Variants in ADCY9 observed in about 807,000 individuals in gnomAD.
ADCY9 encodes the protein adenylate cyclase type 9.
Under a neutral mutation model 101.5 loss-of-function variants are expected in ADCY9, and 50 were observed. The observed-to-expected ratio is 0.49, with a 90% confidence interval of 0.39 to 0.62. The LOEUF (loss-of-function observed/expected upper bound fraction) is 0.62. Ranked by LOEUF, ADCY9 falls within the 20% of genes least tolerant of loss-of-function variation. The pLI, the probability that ADCY9 is intolerant of heterozygous loss-of-function variation, is 0.00. For synonymous variants in ADCY9, 905 were observed against 769.3 expected (o/e 1.18, Z -2.92); for missense variants, 1,662 against 1,800.4 (o/e 0.92, Z 1.39).
At chr16:3,985,000 T>C (rs1403958501) in intron 6 of ADCY9, among the ~76,000 whole-genome samples, 2 of 152,172 alleles carry the variant, frequency 1.3e-5, no homozygotes, top group Admixed American at 6.5e-5. Flanking sequence ...CAGGGCAACC[T>C]GGGGGTTAGG....
At position 3,991,080 on chromosome 16, in the gene ADCY9, G is replaced by A. The variant is rs563396823; in HGVS notation, c.2207+1066C>T. Among the ~76,000 whole-genome samples, 5 of 152,312 alleles carry A rather than the reference G, an allele frequency of 3.3e-5. No individual in the cohort carries two copies. In the East Asian group the frequency reaches 7.7e-4, roughly 24 times the overall value. On this transcript the variant is annotated intron_variant, in intron 5 of 10. Transcript: ENST00000294016. ...CTCCCAAAGTGTTGGGATTATAGGCGTGAGCCACAGCGCCTGGCTGAAAAT... is the reference window on the plus strand; with the variant it reads ...CTCCCAAAGTGTTGGGATTATAGGCATGAGCCACAGCGCCTGGCTGAAAAT...
chr16:4,085,897 G>A (rs1075581), intron 2 of ADCY9, among the ~76,000 whole-genome samples: 16,260 of 151,864 alleles, frequency 0.11, 1,002 homozygotes, highest in Middle Eastern at 0.15. Context: ...GTCCAGGGAT[G>A]ACCAGTGGGT....
At chr16:4,049,888 G>A (rs548498043) in intron 2 of ADCY9, among the ~76,000 whole-genome samples, 21 of 152,112 alleles carry the variant, frequency 1.4e-4, no homozygotes, top group East Asian at 7.7e-4. Context: ...AAAAGTAGAC[G>A]GGCATGATGG....
chr16:4,027,893 A>G (rs892621824), intron 2 of ADCY9, among the ~76,000 whole-genome samples: 6 of 151,136 alleles, frequency 4.0e-5, no homozygotes, highest in Non-Finnish European at 5.9e-5. Context: ...AAAAAAAAAG[A>G]AAAAAAACCC....
Position 4,113,940 on chromosome 16 carries a change from G to A in ADCY9, c.1503C>T (p.Gly501=). ...ACACGTCAAATTTAAACCTCCTCAT[G>A]CCCAGGATGCCGCAAAGGACGGTGC... ...HTGTVLCGIL[G]MRRFKFDVWS... The change falls in exon 2 of 11, where the codon GGC becomes GGT. Residue 501 remains glycine, a synonymous_variant. Transcript: ENST00000294016. 6.2e-7 allele frequency: 1 copy of A among 1,614,060 alleles called. No individual in the cohort carries two copies. The highest frequency in any genetic ancestry group is 2.2e-5 in the East Asian group (1 of 44,884).
intron 2 of ADCY9, among the ~76,000 whole-genome samples, chr16:4,034,337 T>A (rs2056575725): frequency 6.6e-6 from 1 of 152,190 alleles, no homozygotes. Context: ...TAGGCTTCCA[T>A]GCCATATAAT....
At chr16:4,101,151 T>C (rs2057040515) in intron 2 of ADCY9, among the ~76,000 whole-genome samples, 1 of 152,244 alleles carries the variant, frequency 6.6e-6, no homozygotes, top group Non-Finnish European at 1.5e-5. Flanking sequence ...TTAGTATCCC[T>C]TTCTGGCTGT....
intron 6 of ADCY9, among the ~76,000 whole-genome samples, chr16:3,988,584 C>G (rs1217073628): frequency 4.2e-5 from 5 of 119,206 alleles, no homozygotes; most frequent in African/African-American, 1.1e-4. Context: ...GTGGGGGACC[C>G]CTTCCATGGC....
intron 2 of ADCY9, among the ~76,000 whole-genome samples, chr16:4,080,721 T>TG (rs1337008952): frequency 1.3e-5 from 2 of 151,496 alleles, no homozygotes; most frequent in African/African-American, 2.4e-5. Context: ...TTTTTTCGTT[T>TG]TTTTTTTTTT....
In ADCY9 at chr16:3,992,384, C is replaced by T. The variant is rs373097589; in HGVS notation, c.1990-21G>A. On this transcript the variant is annotated intron_variant, in intron 4 of 10. Coordinates refer to ENST00000294016, the MANE Select transcript of ADCY9 (RefSeq NM_001116.4). This position sits in a 1 kb window ranked among gnomAD's most constrained non-coding sequence, Gnocchi z 4.2. ...GAAGCCTGCCTCGAGACAAAGAGGA[C>T]GCAGACACGGGAAGTGAAGTGGCAC... 104 of 1,609,916 alleles carry T rather than the reference C, an allele frequency of 6.5e-5. No homozygotes were observed. Among genetic ancestry groups the T allele is most frequent in the Middle Eastern group, 1.7e-4 (1 of 5,932 alleles).
At chr16:4,034,348 G>C (rs772493480) in intron 2 of ADCY9, among the ~76,000 whole-genome samples, 3 of 152,138 alleles carry the variant, frequency 2.0e-5, no homozygotes, top group Non-Finnish European at 2.9e-5. Flanking sequence ...GCCATATAAT[G>C]CTACTATCCG....
intron 2 of ADCY9, among the ~76,000 whole-genome samples, chr16:4,080,268 C>G (rs902444072): frequency 6.6e-6 from 1 of 151,646 alleles, no homozygotes; most frequent in Non-Finnish European, 1.5e-5. Flanking sequence ...TTTTTTGAGA[C>G]AGTCTTGCTC....
intron 3 of ADCY9, 140 bp downstream of exon 3, chr16:4,007,228 T>C: frequency 1.5e-6 from 1 of 688,064 alleles, no homozygotes; most frequent in South Asian, 2.8e-5. Context: ...TTAGACTAAA[T>C]ATTAAAATCG....
chr16:3,959,362 CAAAAAAAAA>C (rs71133675), downstream of ADCY9, among the ~76,000 whole-genome samples: 1 of 133,554 alleles, frequency 7.5e-6, no homozygotes, highest in Non-Finnish European at 1.6e-5. Context: ...ACTCTTATCT[CAAAAAAAAA>C]AAAAAAAAAA....
chr16:4,101,359 A>G (rs1225027325), intron 2 of ADCY9, among the ~76,000 whole-genome samples: 1 of 148,390 alleles, frequency 6.7e-6, no homozygotes, highest in African/African-American at 2.5e-5. Context: ...AGCTCACTGC[A>G]GCCTCGACCA....
At chr16:4,113,682 C>G (rs1597235964) in intron 2 of ADCY9, 68 bp downstream of exon 2, 2 of 1,349,106 alleles carry the variant, frequency 1.5e-6, no homozygotes, top group East Asian at 2.6e-5. Flanking sequence ...AGGCTGGAAG[C>G]TTTTTTTTTT....
At position 3,998,474 on chromosome 16, in the gene ADCY9, G is replaced by A. The variant is rs748567550; in HGVS notation, c.1885-4964C>T. 1.6e-3 allele frequency among the ~76,000 whole-genome samples: 238 copies of A among 152,104 alleles called. 2 individuals carry two copies. The highest frequency in any genetic ancestry group is 7.8e-4 in the East Asian group (4 of 5,160). On this transcript the variant is annotated intron_variant, in intron 3 of 10. Coordinates refer to ENST00000294016, the MANE Select transcript of ADCY9 (RefSeq NM_001116.4). ...GCCTGTAATCCCAGCACTTTGGGAG[G>A]CCAACATGGGTGGATCACAAGGTCA...
chr16:4,087,627 G>A (rs2056947714), intron 2 of ADCY9, among the ~76,000 whole-genome samples: 1 of 151,568 alleles, frequency 6.6e-6, no homozygotes, highest in African/African-American at 2.4e-5. Flanking sequence ...AGGGCACTGA[G>A]TCTGTGGGCA....
chr16:3,990,697 A>C (rs547517441), intron 5 of ADCY9, among the ~76,000 whole-genome samples: 45 of 152,326 alleles, frequency 3.0e-4, no homozygotes, highest in Non-Finnish European at 4.9e-4. Context: ...GTGTGGACTG[A>C]GGGAAGAGCA....
Sources: allele counts gnomAD v4.1 joint callset (sites outside exome capture counted in the v4.1 genomes callset), GRCh38; gene constraint gnomAD v4.1.1; non-coding constraint Gnocchi (gnomAD v3.1); transcripts MANE v1.5; gene names NCBI Gene and HGNC (gene_info 2026-07-23, HGNC 2026-07-21).